Variants in SH3RF3 observed in about 807,000 individuals in gnomAD.
The protein encoded by SH3RF3 is SH3 domain containing ring finger 3, also known as E3 ubiquitin-protein ligase SH3RF3.
SH3RF3 carries 29 observed loss-of-function variants against 66.3 expected under a neutral mutation model. The ratio of observed to expected loss-of-function variants is 0.44; its 90% CI spans 0.33 to 0.60. The LOEUF (loss-of-function observed/expected upper bound fraction) is 0.60, where lower values mean the gene tolerates loss of function less well. SH3RF3 is among the 20% of genes least tolerant of loss of function. SH3RF3 has a pLI of 0.04. For missense variants in SH3RF3, 1,194 were observed against 1,190.9 expected (o/e 1.00, Z -0.04); for synonymous variants, 583 against 532.0 (o/e 1.10, Z -1.32).
intron 1 of SH3RF3, among the ~76,000 whole-genome samples, chr2:109,320,786 C>T (rs1682008470): frequency 1.3e-5 from 2 of 152,158 alleles, no homozygotes; most frequent in Admixed American, 6.5e-5. Flanking sequence ...ACTCGAGGCA[C>T]ATTGCTTTGC....
intron 3 of SH3RF3, 79 bp downstream of exon 3, chr2:109,371,760 A>G (rs1683277946): frequency 3.4e-6 from 4 of 1,161,702 alleles, no homozygotes; most frequent in African/African-American, 3.0e-5. Context: ...CCTGACCTTC[A>G]AGCCCCTTTT....
At chr2:109,413,986 G>C (rs1441697327) in intron 4 of SH3RF3, among the ~76,000 whole-genome samples, 1 of 152,246 alleles carries the variant, frequency 6.6e-6, no homozygotes, top group East Asian at 1.9e-4. Flanking sequence ...GGTCCTTCTA[G>C]GTCCTTGGCT....
At position 109,277,482 on chromosome 2, in the gene SH3RF3, C is replaced by T. The variant is rs111929502; in HGVS notation, c.574-70192C>T. On this transcript the variant is annotated intron_variant, in intron 1 of 9. Coordinates refer to ENST00000309415, the MANE Select transcript of SH3RF3 (RefSeq NM_001099289.3). ...GTGAAGAGTCCTACTTCTGCTAGGA[C>T]ATTGGGCAGCTGCTGCATCTCCGAG... 4.3e-3 allele frequency among the ~76,000 whole-genome samples: 650 copies of T among 152,324 alleles called. 10 individuals carry two copies. Among genetic ancestry groups the T allele is most frequent in the African/African-American group, 0.015 (623 of 41,560 alleles).
intron 1 of SH3RF3, among the ~76,000 whole-genome samples, chr2:109,184,306 A>G (rs181826601): frequency 6.6e-6 from 1 of 152,332 alleles, no homozygotes; most frequent in Non-Finnish European, 1.5e-5. Flanking sequence ...CAAATGACCA[A>G]GTTCATATCC....
chr2:109,260,558 T>A (rs1226382033), intron 1 of SH3RF3, among the ~76,000 whole-genome samples: 1 of 152,206 alleles, frequency 6.6e-6, no homozygotes, highest in Non-Finnish European at 1.5e-5. Flanking sequence ...GACACCTTGG[T>A]CATAGGCAAG....
chr2:109,155,518 G>T (rs1215638103), intron 1 of SH3RF3, among the ~76,000 whole-genome samples: 2 of 152,070 alleles, frequency 1.3e-5, no homozygotes, highest in African/African-American at 4.8e-5. Flanking sequence ...AGCCAGGGTG[G>T]TCTCGATCTC....
intron 5 of SH3RF3, among the ~76,000 whole-genome samples, chr2:109,424,429 C>T (rs1019545876): frequency 6.6e-6 from 1 of 152,192 alleles, no homozygotes; most frequent in Non-Finnish European, 1.5e-5. Flanking sequence ...GAAACACAGG[C>T]AAACCTCATT....
intron 1 of SH3RF3, among the ~76,000 whole-genome samples, chr2:109,223,584 A>G (rs750397343): frequency 6.6e-6 from 1 of 152,176 alleles, no homozygotes; most frequent in Non-Finnish European, 1.5e-5. Flanking sequence ...CCATTCAAGC[A>G]TCGGTGGAGG....
intron 4 of SH3RF3, among the ~76,000 whole-genome samples, chr2:109,400,633 T>TA (rs1224234853): frequency 4.0e-5 from 6 of 151,812 alleles, no homozygotes; most frequent in African/African-American, 1.5e-4. Flanking sequence ...CACCCACACA[T>TA]ACACCCGTGC....
intron 1 of SH3RF3, among the ~76,000 whole-genome samples, chr2:109,305,710 G>A (rs1208879621): frequency 1.3e-5 from 2 of 152,240 alleles, no homozygotes; most frequent in Admixed American, 1.3e-4. Context: ...CATGTGCGGT[G>A]TGTGGCTACA....
intron 1 of SH3RF3, among the ~76,000 whole-genome samples, chr2:109,284,040 C>A (rs560949611): frequency 1.3e-5 from 2 of 152,256 alleles, no homozygotes; most frequent in East Asian, 3.9e-4. Flanking sequence ...TGGCATTGGG[C>A]TGCCTTCTCA....
chr2:109,188,002 C>T (rs1678240149), intron 1 of SH3RF3, among the ~76,000 whole-genome samples: 1 of 152,214 alleles, frequency 6.6e-6, no homozygotes, highest in East Asian at 1.9e-4. Context: ...GCGGGGGTTG[C>T]CTCTGCTCCA....
At chr2:109,352,633 T>TGGGC (rs1191601255) in intron 2 of SH3RF3, among the ~76,000 whole-genome samples, 10 of 152,348 alleles carry the variant, frequency 6.6e-5, no homozygotes, top group East Asian at 5.8e-4. Context: ...GCACCCCGCT[T>TGGGC]GGGCTACTTT....
intron 1 of SH3RF3, chr2:109,141,513 C>G (rs547651740): frequency 3.2e-5 from 5 of 155,072 alleles, no homozygotes; most frequent in African/African-American, 1.2e-4. Context: ...AGAGCTGAGC[C>G]CACAGCTGCA....
At chr2:109,219,175 C>T (rs1558964929) in intron 1 of SH3RF3, among the ~76,000 whole-genome samples, 4 of 152,184 alleles carry the variant, frequency 2.6e-5, no homozygotes, top group African/African-American at 4.8e-5. Context: ...GAGGGGCTAC[C>T]GCCTGGAGCA....
At chr2:109,155,522 C>T (rs1298254034) in intron 1 of SH3RF3, among the ~76,000 whole-genome samples, 2 of 152,102 alleles carry the variant, frequency 1.3e-5, no homozygotes, top group African/African-American at 4.8e-5. Context: ...AGGGTGGTCT[C>T]GATCTCCTGA....
At chr2:109,146,044 G>A (rs1002447192) in intron 1 of SH3RF3, among the ~76,000 whole-genome samples, 10 of 132,690 alleles carry the variant, frequency 7.5e-5, no homozygotes, top group African/African-American at 4.2e-4. Context: ...GAGTCCATGC[G>A]GGCCGAGGGA....
rs530698955 is a variant in SH3RF3, at chr2:109,427,144, T to C, written c.1404-5357T>C. Among the ~76,000 whole-genome samples the C allele has an allele frequency of 2.0e-5, 3 of 152,036 alleles. No individual in the cohort carries two copies. The South Asian group carries it at 6.2e-4, about 32-fold the overall frequency. On this transcript the variant is annotated intron_variant, in intron 5 of 9. Coordinates refer to ENST00000309415, the MANE Select transcript of SH3RF3 (RefSeq NM_001099289.3). ...CCACCACACTGGGCTAATTTTCGTC[T>C]TTTTAGTAGAGACGGGGTTTCACCA...
intron 8 of SH3RF3, among the ~76,000 whole-genome samples, chr2:109,457,785 G>A (rs1678102099): frequency 6.6e-6 from 1 of 152,162 alleles, no homozygotes; most frequent in Admixed American, 6.5e-5. Context: ...AAAACTCAGT[G>A]ATGGCATTAG....
Sources: allele counts gnomAD v4.1 joint callset (sites outside exome capture counted in the v4.1 genomes callset), GRCh38; gene constraint gnomAD v4.1.1; transcripts MANE v1.5; gene names NCBI Gene and HGNC (gene_info 2026-07-23, HGNC 2026-07-21).